The following NALF1 variants were observed in gnomAD, a reference collection of about 807,000 sequenced individuals.
NALF1 encodes the protein family with sequence similarity 155 member A.
Under a neutral mutation model 48.4 loss-of-function variants are expected in NALF1, and 3 were observed. The observed-to-expected ratio is 0.06, with a 90% CI of 0.03 to 0.16. The LOEUF (loss-of-function observed/expected upper bound fraction) is 0.16, where lower values mean the gene tolerates loss of function less well. Ranked by LOEUF, NALF1 falls within the 10% of genes least tolerant of loss-of-function variation. NALF1 has a pLI of 1.00. For synonymous variants in NALF1, 262 were observed against 245.7 expected (o/e 1.07, Z -0.62); for missense variants, 526 against 571.5 (o/e 0.92, Z 0.81).
intron 1 of NALF1, among the ~76,000 whole-genome samples, chr13:107,508,302 T>G (rs1875766094): frequency 6.6e-6 from 1 of 151,688 alleles, no homozygotes; most frequent in Non-Finnish European, 1.5e-5. Flanking sequence ...CTAAGGAACT[T>G]ATTAATATTT....
intron 1 of NALF1, among the ~76,000 whole-genome samples, chr13:107,671,022 C>G (rs1188857335): frequency 6.6e-6 from 1 of 152,080 alleles, no homozygotes; most frequent in Non-Finnish European, 1.5e-5. Context: ...GTCATTGAAT[C>G]TCTCAGATGT....
intron 1 of NALF1, among the ~76,000 whole-genome samples, chr13:107,346,799 A>G (rs1442135534): frequency 1.3e-5 from 2 of 152,214 alleles, no homozygotes; most frequent in Non-Finnish European, 2.9e-5. Context: ...TGATGGATCT[A>G]TTACCCACAG....
At chr13:107,360,185 A>G (rs1051732472) in intron 1 of NALF1, among the ~76,000 whole-genome samples, 1 of 152,202 alleles carries the variant, frequency 6.6e-6, no homozygotes, top group Non-Finnish European at 1.5e-5. Flanking sequence ...ATAAATTGCA[A>G]TGGAAATAAA....
At chr13:107,771,446 G>T (rs1375621437) in intron 1 of NALF1, among the ~76,000 whole-genome samples, 1 of 150,422 alleles carries the variant, frequency 6.6e-6, no homozygotes, top group Non-Finnish European at 1.5e-5. Flanking sequence ...TTCCTTAACA[G>T]CATAAATGTA....
chr13:107,633,692 A>C (rs539544676), intron 1 of NALF1, among the ~76,000 whole-genome samples: 1 of 141,848 alleles, frequency 7.0e-6, no homozygotes, highest in East Asian at 2.2e-4. Flanking sequence ...ACATTTGTCC[A>C]ATATTTTATT....
chr13:107,353,559 C>T (rs531133177), intron 1 of NALF1, among the ~76,000 whole-genome samples: 4 of 152,162 alleles, frequency 2.6e-5, no homozygotes, highest in South Asian at 2.1e-4. Context: ...ATAATAATGT[C>T]GAAATTCATA....
At chr13:107,416,851 C>T (rs1884097830) in intron 1 of NALF1, among the ~76,000 whole-genome samples, 1 of 152,148 alleles carries the variant, frequency 6.6e-6, no homozygotes, top group Non-Finnish European at 1.5e-5. Context: ...ACTGCTTTTT[C>T]TCTTGCTTGC....
intron 1 of NALF1, among the ~76,000 whole-genome samples, chr13:107,763,588 T>C (rs1256032409): frequency 6.6e-6 from 1 of 152,108 alleles, no homozygotes; most frequent in Non-Finnish European, 1.5e-5. Flanking sequence ...TGGGGCCTGC[T>C]TTTGCTTGTC....
intron 1 of NALF1, among the ~76,000 whole-genome samples, chr13:107,253,600 C>T (rs1880748832): frequency 6.6e-6 from 1 of 152,150 alleles, no homozygotes; most frequent in African/African-American, 2.4e-5. Context: ...ATAGCAAGGC[C>T]TATAACAAGC....
chr13:107,552,061 T>C (rs918119488), intron 1 of NALF1, among the ~76,000 whole-genome samples: 9 of 152,276 alleles, frequency 5.9e-5, no homozygotes, highest in Non-Finnish European at 1.2e-4. Flanking sequence ...GACAAGAATA[T>C]ATCCCCTCCA....
Position 107,838,656 on chromosome 13 carries a change from T to C in NALF1, c.915+27026A>G, listed in dbSNP as rs955593810. Among the ~76,000 whole-genome samples, 6 of 152,104 alleles carry C rather than the reference T, an allele frequency of 3.9e-5. No homozygotes were observed. The East Asian group carries it at 1.2e-3, about 29-fold the overall frequency. On this transcript the variant is annotated intron_variant, in intron 1 of 2. Coordinates refer to ENST00000375915, the MANE Select transcript of NALF1 (RefSeq NM_001080396.3). The stretch of plus-strand genomic sequence containing the variant: ...CAAGAGTTGAAAAGTGCTTTAGAGA[T>C]CTGTTTTATTCAAGCTATCATTTAA...
chr13:107,344,470 T>C (rs956189099), intron 1 of NALF1, among the ~76,000 whole-genome samples: 1 of 152,118 alleles, frequency 6.6e-6, no homozygotes, highest in Non-Finnish European at 1.5e-5. Flanking sequence ...CAAAAGTACA[T>C]TAAAAAGATT....
At chr13:107,802,919 G>C (rs1878664479) in intron 1 of NALF1, among the ~76,000 whole-genome samples, 1 of 152,124 alleles carries the variant, frequency 6.6e-6, no homozygotes, top group Non-Finnish European at 1.5e-5. Context: ...GGGAAAGTTG[G>C]GGTCACATGA....
At chr13:107,198,540 T>C (rs1052558411) in intron 2 of NALF1, among the ~76,000 whole-genome samples, 3 of 152,236 alleles carry the variant, frequency 2.0e-5, no homozygotes, top group Non-Finnish European at 4.4e-5. Context: ...TTCTGAAGCA[T>C]GCAGAATTCG....
At chr13:107,383,760 A>G (rs1883479804) in intron 1 of NALF1, among the ~76,000 whole-genome samples, 1 of 152,220 alleles carries the variant, frequency 6.6e-6, no homozygotes, top group African/African-American at 2.4e-5. Flanking sequence ...ACAAGAACAA[A>G]TTCATGGCAT....
rs969171577 is a variant in NALF1, at chr13:107,637,008, T to C, written c.915+228674A>G. On this transcript the variant is annotated intron_variant, in intron 1 of 2. Coordinates refer to ENST00000375915, the MANE Select transcript of NALF1 (RefSeq NM_001080396.3). ...ATGTAGCAGAAAAATTCCTATCATG[T>C]AAATATTATCACTGTGTTGCAACTG... Among the ~76,000 whole-genome samples, 49 of 151,736 alleles carry C rather than the reference T, an allele frequency of 3.2e-4. 1 individual carries two copies. Among genetic ancestry groups the C allele is most frequent in the Non-Finnish European group, 2.2e-4 (15 of 67,918 alleles).
At chr13:107,351,397 T>C (rs1385443795) in intron 1 of NALF1, among the ~76,000 whole-genome samples, 2 of 152,184 alleles carry the variant, frequency 1.3e-5, no homozygotes, top group Non-Finnish European at 2.9e-5. Flanking sequence ...GGGTCTGAGA[T>C]AAGACCTGTT....
intron 1 of NALF1, among the ~76,000 whole-genome samples, chr13:107,563,929 A>C (rs1390510192): frequency 6.6e-6 from 1 of 152,210 alleles, no homozygotes; most frequent in Non-Finnish European, 1.5e-5. Flanking sequence ...GAGAGAATTA[A>C]AAGTTGTTTA....
rs1360166700 is a variant in NALF1 at position 107,371,637 on chromosome 13, T to C, written c.916-160882A>G. 3.9e-5 allele frequency among the ~76,000 whole-genome samples: 6 copies of C among 152,300 alleles called. No homozygotes were observed. The South Asian group carries it at 8.3e-4, about 21-fold the overall frequency. On this transcript the variant is annotated intron_variant, in intron 1 of 2. Coordinates refer to ENST00000375915, the MANE Select transcript of NALF1 (RefSeq NM_001080396.3). ...ACTCTTTCAACAAAGATGTCTTTTT[T>C]AAAATTAGTCAATTAGTAGTTATCA...
Sources: allele counts gnomAD v4.1 joint callset (sites outside exome capture counted in the v4.1 genomes callset), GRCh38; gene constraint gnomAD v4.1.1; transcripts MANE v1.5; gene names NCBI Gene and HGNC (gene_info 2026-07-23, HGNC 2026-07-21).